Variants in MRPL47 observed in about 807,000 individuals in gnomAD.
The protein encoded by MRPL47 is mitochondrial ribosomal protein L47.
In MRPL47, 31 loss-of-function variants were observed where a neutral mutation model predicts 34.0. That is an observed-to-expected ratio of 0.91 (90% CI 0.68 to 1.23). MRPL47 has a LOEUF of 1.23. Ranked by LOEUF, MRPL47 falls within the 50% of genes most tolerant of loss-of-function variation. The pLI, the probability that MRPL47 is intolerant of heterozygous loss-of-function variation, is 0.00. For synonymous variants in MRPL47, 106 were observed against 101.6 expected (o/e 1.04, Z -0.26); for missense variants, 328 against 285.8 (o/e 1.15, Z -1.07).
chr3:179,603,805 A>T (rs1317634549), intron 1 of MRPL47, among the ~76,000 whole-genome samples: 1 of 152,214 alleles, frequency 6.6e-6, no homozygotes, highest in Non-Finnish European at 1.5e-5. Context: ...TCCTGTTTTT[A>T]AAAAATAGTT....
chr3:179,594,596 C>A (rs1198548525), intron 4 of MRPL47, among the ~76,000 whole-genome samples: 1 of 152,126 alleles, frequency 6.6e-6, no homozygotes, highest in Non-Finnish European at 1.5e-5. Flanking sequence ...AATTCTCCTG[C>A]CTCAGCCTCC....
At chr3:179,602,522 A>C (rs3732998) in intron 2 of MRPL47, 130 bp downstream of exon 2, 52,023 of 576,344 alleles carry the variant, frequency 0.09, 2,829 homozygotes, top group South Asian at 0.16. Context: ...AGACAGTCTC[A>C]AAGAAAACTG....
In MRPL47 at chr3:179,601,765, T is replaced by C; in HGVS notation, c.270A>G (p.Leu90=). ...KSGAAWTCQQ[L]RNKSNEDLHK... ...GTAAATCTTCATTACTTTTGTTCCT[T>C]AGTTGCTGACAGGTCCATGCTGCTC... Residue 90 remains leucine (L), a synonymous_variant, in exon 3 of 7, where the codon CTA becomes CTG. Coordinates refer to ENST00000476781, the MANE Select transcript of MRPL47 (RefSeq NM_020409.3). 13 of 1,609,360 alleles carry C rather than the reference T, an allele frequency of 8.1e-6. No homozygotes were observed. Among genetic ancestry groups the C allele is most frequent in the Non-Finnish European group, 1.0e-5 (12 of 1,176,122 alleles).
Position 179,602,754 on chromosome 3 carries a change from A to T in MRPL47, c.142T>A (p.Ser48Thr). 1 of 1,612,182 alleles carries T rather than the reference A, an allele frequency of 6.2e-7. No individual in the cohort carries two copies. Reference protein sequence around the residue: ...LLPKSTPNVTSFHQYRLLHTT... With the variant: ...LLPKSTPNVTTFHQYRLLHTT... ...TGAAGTAATCTATATTGGTGAAAGG[A>T]TGTCACATTTGGTGTACTCTTAGGC... The change falls in exon 2 of 7, where the codon TCC (serine) becomes ACC (threonine). Residue 48 changes from serine to threonine, a missense_variant. Ser to Thr is a moderately conservative substitution (Grantham distance 58). Coordinates refer to ENST00000476781, the MANE Select transcript of MRPL47 (RefSeq NM_020409.3).
intron 1 of MRPL47, among the ~76,000 whole-genome samples, chr3:179,603,321 T>C (rs1576872429): frequency 6.6e-6 from 1 of 152,002 alleles, no homozygotes; most frequent in Admixed American, 6.6e-5. Flanking sequence ...AGGATCACTT[T>C]GAGCCCAGGA....
At chr3:179,593,633 C>A in intron 5 of MRPL47, 132 bp downstream of exon 5, 1 of 772,714 alleles carries the variant, frequency 1.3e-6, no homozygotes, top group Non-Finnish European at 1.9e-6. Flanking sequence ...GGTGTGGGGC[C>A]TCTTCTTTTA....
chr3:179,590,009 A>C (rs145264078), intron 6 of MRPL47, among the ~76,000 whole-genome samples: 1 of 152,318 alleles, frequency 6.6e-6, no homozygotes, highest in East Asian at 1.9e-4. Flanking sequence ...AAACCTGTAA[A>C]AGTGATACTG....
At chr3:179,600,135 A>G (rs952263269) in intron 3 of MRPL47, among the ~76,000 whole-genome samples, 2 of 151,864 alleles carry the variant, frequency 1.3e-5, no homozygotes, top group African/African-American at 2.4e-5. Flanking sequence ...AAAAAAAAAC[A>G]AAAAAGAGAA....
intron 3 of MRPL47, among the ~76,000 whole-genome samples, chr3:179,599,632 G>C (rs1049964597): frequency 6.6e-6 from 1 of 152,112 alleles, no homozygotes; most frequent in African/African-American, 2.4e-5. Flanking sequence ...ATGTGATGTG[G>C]GATAATAAGT....
rs1363119220 is a variant in MRPL47 at position 179,598,424 on chromosome 3, AC to A, written c.402+250del. Among the ~76,000 whole-genome samples the A allele has an allele frequency of 1.3e-4, 19 of 143,928 alleles. No homozygotes were observed. The East Asian group carries it at 1.5e-3, about 12-fold the overall frequency. The allele number at this position is 143,928 out of a possible 152,430, so 94.4% of individuals were successfully genotyped here. On this transcript the variant is annotated intron_variant, in intron 4 of 6. Transcript: ENST00000476781. ...CACACACACACACACACACACACAC[AC>A]AAACAAAAAAAAAAAAACAAAAAAC...
Position 179,592,736 on chromosome 3 carries a change from G to C in MRPL47, c.537C>G (p.His179Gln). The change falls in exon 6 of 7, where the codon CAC (histidine) becomes CAG (glutamine). Residue 179 changes from histidine to glutamine, a missense_variant. Transcript: ENST00000476781. ...AAGGTATAACCCACTGCTTGAACTT[G>C]TGCCTGCCAATAAAGCAAAAAGTTA... Reference protein sequence around the residue: ...RRDIFGRIIWHKFKQWVIPWH... With the variant: ...RRDIFGRIIWQKFKQWVIPWH... The C allele has an allele frequency of 6.2e-7, 1 of 1,607,440 alleles. No homozygotes were observed. Among genetic ancestry groups the C allele is most frequent in the Non-Finnish European group, 8.5e-7 (1 of 1,175,946 alleles).
At chr3:179,593,472 A>G (rs1401808690) in intron 5 of MRPL47, among the ~76,000 whole-genome samples, 1 of 152,216 alleles carries the variant, frequency 6.6e-6, no homozygotes, top group Admixed American at 6.5e-5. Flanking sequence ...AACTTTCATC[A>G]AATTCTCAAA....
chr3:179,588,958 T>A lies in MRPL47; in HGVS notation c.667A>T (p.Lys223Ter). 6.2e-7 allele frequency: 1 copy of A among 1,613,696 alleles called. No homozygotes were observed. The highest frequency in any genetic ancestry group is 8.5e-7 in the Non-Finnish European group (1 of 1,179,772). ...REKRARIKAR[K>*]ENLERKKAKI... ...GCTTTCTTTCTCTCTAAATTTTCCT[T>A]CCGTGCTTTGATGCGGGCTCGTTTC... is the stretch of plus-strand genomic sequence containing the variant. The change falls in exon 7 of 7, where the codon AAG (lysine) becomes TAG (stop). Residue 223 changes from lysine to a stop codon, truncating the protein, a stop_gained. Transcript: ENST00000476781. LOFTEE classifies it high-confidence loss of function.
At position 179,604,549 on chromosome 3, in the gene MRPL47, G is replaced by A. The variant is rs368673942; in HGVS notation, c.76C>T (p.Pro26Ser). The A allele has an allele frequency of 4.3e-5, 69 of 1,614,072 alleles. No homozygotes were observed. Among genetic ancestry groups the A allele is most frequent in the Non-Finnish European group, 5.6e-5 (66 of 1,180,032 alleles). ...TACCCTGTGCAGGCAGGGACCTGAG[G>A]AGTTATTAACGATCGGGAAGATTTC... ...ALKSSRSLIT[P>S]QVPACTGFFL... The change falls in exon 1 of 7, where the codon CCT becomes TCT. Residue 26 changes from proline to serine, a missense_variant. Transcript: ENST00000476781.
At chr3:179,590,282 T>G (rs1050891453) in intron 6 of MRPL47, among the ~76,000 whole-genome samples, 18 of 150,470 alleles carry the variant, frequency 1.2e-4, no homozygotes, top group Non-Finnish European at 2.7e-4. Flanking sequence ...GAGGTTGCAG[T>G]GAGCCGAGAT....
chr3:179,602,674 CCAGTT>C lies in MRPL47; in HGVS notation c.217_221del (p.Asn73GlyfsTer21). The C allele has an allele frequency of 6.2e-7, 1 of 1,611,748 alleles. No individual in the cohort carries two copies. The highest frequency in any genetic ancestry group is 8.5e-7 in the Non-Finnish European group (1 of 1,179,320). ...CACCAGATTTTACTTTTTCTTGCCCCCAGTTTTTTGGGTCATCAAAAAATTCTTCT... is the reference window on the plus strand; with the variant it reads ...CACCAGATTTTACTTTTTCTTGCCCCTTTTGGGTCATCAAAAAATTCTTCT... On this transcript the variant is annotated frameshift_variant, in exon 2 of 7. Transcript: ENST00000476781. LOFTEE classifies it high-confidence loss of function.
intron 4 of MRPL47, among the ~76,000 whole-genome samples, chr3:179,598,256 A>G (rs1445689580): frequency 1.3e-5 from 2 of 151,566 alleles, no homozygotes; most frequent in Non-Finnish European, 1.5e-5. Context: ...GCATGGTGGT[A>G]TGTGCCTGTA....
At chr3:179,599,714 G>A (rs1157615887) in intron 3 of MRPL47, among the ~76,000 whole-genome samples, 1 of 152,206 alleles carries the variant, frequency 6.6e-6, no homozygotes, top group African/African-American at 2.4e-5. Context: ...AAGATGACCA[G>A]GGAAAGAGTC....
At chr3:179,602,606 G>A (rs200278682) in intron 2 of MRPL47, 46 bp downstream of exon 2, 5 of 866,098 alleles carry the variant, frequency 5.8e-6, no homozygotes, top group South Asian at 4.5e-5. Flanking sequence ...GGCGGGGGGG[G>A]GGGTTCCATA....
Sources: allele counts gnomAD v4.1 joint callset (sites outside exome capture counted in the v4.1 genomes callset), GRCh38; gene constraint gnomAD v4.1.1; transcripts MANE v1.5; gene names NCBI Gene and HGNC (gene_info 2026-07-23, HGNC 2026-07-21).